The following PCSK5 variants were observed in gnomAD, a reference collection of about 807,000 sequenced individuals.
The protein encoded by PCSK5 is proprotein convertase subtilisin/kexin type 5.
Under a neutral mutation model 233.2 loss-of-function variants are expected in PCSK5, and 129 were observed. That is an observed-to-expected ratio of 0.55 (90% CI 0.48 to 0.64). The LOEUF is 0.64. Among genes scored for constraint, PCSK5 ranks in the 30% least tolerant of loss-of-function variants. PCSK5 has a pLI of 0.00. For synonymous variants in PCSK5, 825 were observed against 879.2 expected (o/e 0.94, Z 1.09); for missense variants, 2,076 against 2,430.1 (o/e 0.85, Z 3.06).
rs147124681 is a variant in PCSK5 at position 76,128,630 on chromosome 9, T to A, written c.1209-5479T>A. Among the ~76,000 whole-genome samples, 13 of 152,330 alleles carry A rather than the reference T, an allele frequency of 8.5e-5. No individual in the cohort carries two copies. In the East Asian group the frequency reaches 2.5e-3, roughly 29 times the overall value. On this transcript the variant is annotated intron_variant, in intron 9 of 37. Transcript: ENST00000674117. ...GCTTCAATGACAAAATTTTTCTTTATAAATTAGGGGCTATCTTCTCTTAAG... is the reference window on the plus strand; with the variant it reads ...GCTTCAATGACAAAATTTTTCTTTAAAAATTAGGGGCTATCTTCTCTTAAG...
intron 2 of PCSK5, 69 bp downstream of exon 2, chr9:75,932,552 T>A: frequency 1.1e-6 from 1 of 905,608 alleles, no homozygotes; most frequent in Non-Finnish European, 1.9e-6. Context: ...AATAACACAC[T>A]AGGGGCTGAG....
chr9:76,192,117 G>T (rs888770669), intron 20 of PCSK5, among the ~76,000 whole-genome samples: 3 of 146,652 alleles, frequency 2.0e-5, no homozygotes, highest in Non-Finnish European at 3.0e-5. Flanking sequence ...GAAATCCATT[G>T]TAACAACTTG....
chr9:76,040,683 A>G (rs1051440668), intron 5 of PCSK5, among the ~76,000 whole-genome samples: 1 of 152,154 alleles, frequency 6.6e-6, no homozygotes, highest in Non-Finnish European at 1.5e-5. Flanking sequence ...TCCTTGTATC[A>G]TAATACACTC....
At chr9:76,066,833 C>T (rs1436670178) in intron 5 of PCSK5, among the ~76,000 whole-genome samples, 1 of 152,122 alleles carries the variant, frequency 6.6e-6, no homozygotes, top group African/African-American at 2.4e-5. Flanking sequence ...ATTAAAAGCA[C>T]TGAAATGGAT....
At chr9:76,274,598 A>G (rs1827630601) in intron 24 of PCSK5, among the ~76,000 whole-genome samples, 1 of 151,596 alleles carries the variant, frequency 6.6e-6, no homozygotes, top group Admixed American at 6.6e-5. Flanking sequence ...GGCATTACTT[A>G]CCTGGAACTA....
At chr9:76,101,246 T>C (rs1273571330) in intron 8 of PCSK5, among the ~76,000 whole-genome samples, 1 of 152,168 alleles carries the variant, frequency 6.6e-6, no homozygotes, top group African/African-American at 2.4e-5. Flanking sequence ...TTTGGAAGGA[T>C]GGAGGCTTTA....
chr9:76,124,673 G>C (rs1048526304), intron 9 of PCSK5, among the ~76,000 whole-genome samples: 3 of 149,108 alleles, frequency 2.0e-5, no homozygotes, highest in Non-Finnish European at 3.0e-5. Context: ...TTGAACCCGG[G>C]AGGCAGAGGT....
chr9:76,264,750 GAA>G (rs1827283152), intron 24 of PCSK5, among the ~76,000 whole-genome samples: 1 of 151,996 alleles, frequency 6.6e-6, no homozygotes, highest in Non-Finnish European at 1.5e-5. Flanking sequence ...AGCCTGTGGA[GAA>G]AAGAGAATGC....
chr9:76,193,145 CCT>C, intron 20 of PCSK5: 1 of 1,110,394 alleles, frequency 9.0e-7, no homozygotes, highest in Non-Finnish European at 1.3e-6. Flanking sequence ...CCCAAATCTG[CCT>C]CTCTGGCCAA....
chr9:75,976,528 G>C (rs908822093), intron 2 of PCSK5, among the ~76,000 whole-genome samples: 2 of 151,754 alleles, frequency 1.3e-5, no homozygotes, highest in African/African-American at 2.4e-5. Flanking sequence ...CAAGTTTTGG[G>C]AGCGACATCA....
At chr9:76,208,983 G>A (rs888643707) in intron 20 of PCSK5, among the ~76,000 whole-genome samples, 1 of 152,054 alleles carries the variant, frequency 6.6e-6, no homozygotes, top group East Asian at 1.9e-4. Context: ...CAATAAATTG[G>A]CAGTGAACTT....
At chr9:75,995,111 G>A (rs1826954749) in intron 3 of PCSK5, among the ~76,000 whole-genome samples, 1 of 152,118 alleles carries the variant, frequency 6.6e-6, no homozygotes, top group African/African-American at 2.4e-5. Context: ...TAATTCCAAT[G>A]CTCCCTTGAG....
intron 9 of PCSK5, 103 bp downstream of exon 9, chr9:76,107,454 A>G (rs1832025487): frequency 5.0e-6 from 3 of 599,946 alleles, no homozygotes; most frequent in South Asian, 2.8e-5. Flanking sequence ...AACCTAGAAT[A>G]TAATCTTCCC....
chr9:75,923,031 G>A (rs1823321780), intron 1 of PCSK5, among the ~76,000 whole-genome samples: 1 of 152,198 alleles, frequency 6.6e-6, no homozygotes. Flanking sequence ...AGGTGAGACA[G>A]GGTGGGGATA....
Position 76,181,420 on chromosome 9 carries a change from C to A in PCSK5, c.2026C>A (p.Pro676Thr), listed in dbSNP as rs774078572. The A allele has an allele frequency of 1.9e-6, 3 of 1,613,630 alleles. No homozygotes were observed. Among genetic ancestry groups the A allele is most frequent in the Admixed American group, 3.3e-5 (2 of 59,962 alleles). Residue 676 changes from proline (P) to threonine (T), a missense_variant, in exon 16 of 38, where the codon CCT becomes ACT. By Grantham distance (38) the Pro-to-Thr change is conservative. This residue lies in a region of PCSK5 where 1,510 missense variants were observed against 1,538.1 expected (regional missense o/e 0.98). Coordinates refer to ENST00000674117, the MANE Select transcript of PCSK5 (RefSeq NM_001372043.1). ...NTRICVSSCPPGHYHADKKRC... is the reference protein window; with the variant it reads ...NTRICVSSCPTGHYHADKKRC... ...CAGGATCTGTGTCTCCAGCTGCCCC[C>A]CTGGCCACTACCACGCCGACAAGAA...
intron 27 of PCSK5, among the ~76,000 whole-genome samples, 161 bp from the exon 28 acceptor site, chr9:76,301,976 A>T (rs1828621738): frequency 8.4e-6 from 1 of 119,358 alleles, no homozygotes; most frequent in Admixed American, 9.6e-5. Context: ...ATCTATACAT[A>T]GATGTAATTA....
intron 24 of PCSK5, among the ~76,000 whole-genome samples, chr9:76,290,383 G>T (rs1828240991): frequency 6.6e-6 from 1 of 152,102 alleles, no homozygotes; most frequent in Non-Finnish European, 1.5e-5. Context: ...TAATTAGCCT[G>T]GTTTTTGGTT....
At chr9:76,249,991 A>G (rs1334345931) in intron 24 of PCSK5, among the ~76,000 whole-genome samples, 1 of 152,140 alleles carries the variant, frequency 6.6e-6, no homozygotes, top group Non-Finnish European at 1.5e-5. Flanking sequence ...ATACCAAATA[A>G]CTTATTTAAA....
intron 35 of PCSK5, among the ~76,000 whole-genome samples, chr9:76,349,804 G>A (rs2260166): frequency 3.9e-5 from 6 of 152,150 alleles, no homozygotes; most frequent in South Asian, 2.1e-4. Flanking sequence ...TTAGGTCTCC[G>A]GTCCCCAAAC....
Sources: allele counts gnomAD v4.1 joint callset (sites outside exome capture counted in the v4.1 genomes callset), GRCh38; gene constraint gnomAD v4.1.1; regional missense constraint gnomAD v4.1.1; transcripts MANE v1.5; gene names NCBI Gene and HGNC (gene_info 2026-07-23, HGNC 2026-07-21).